The following CARD8 variants were observed in gnomAD, a reference collection of about 807,000 sequenced individuals.
CARD8 encodes caspase recruitment domain family member 8.
In CARD8, 38 loss-of-function variants were observed where a neutral mutation model predicts 53.2. The observed-to-expected ratio is 0.71, with a 90% CI of 0.55 to 0.94. The LOEUF (loss-of-function observed/expected upper bound fraction) is 0.94. Among genes scored for constraint, CARD8 ranks in the 40% least tolerant of loss-of-function variants. CARD8 has a pLI of 0.00. For synonymous variants in CARD8, 245 were observed against 244.9 expected (o/e 1.00, Z 0.00); for missense variants, 561 against 655.5 (o/e 0.86, Z 1.57).
Position 48,248,201 on chromosome 19 carries a change from A to T in CARD8, c.-44+1322T>A, listed in dbSNP as rs190330206. Among the ~76,000 whole-genome samples, 178 of 152,314 alleles carry T rather than the reference A, an allele frequency of 1.2e-3. 1 individual carries two copies. The highest frequency in any genetic ancestry group is 4.0e-3 in the African/African-American group (168 of 41,566). ...TGTGACATTGGAAATTTTAAAAAAC[A>T]TGTAATAAAAATCCCAGTCACGCAT... On this transcript the variant is annotated intron_variant, in intron 3 of 13. Coordinates refer to ENST00000651546, the MANE Select transcript of CARD8 (RefSeq NM_001184900.3).
chr19:48,204,987 T>C (rs1336844736), downstream of CARD8, among the ~76,000 whole-genome samples: 1 of 152,208 alleles, frequency 6.6e-6, no homozygotes, highest in Non-Finnish European at 1.5e-5. Flanking sequence ...CAAATTTAGC[T>C]GGGCATCCTG....
chr19:48,241,503 G>A (rs969363686), intron 3 of CARD8, among the ~76,000 whole-genome samples: 7 of 152,166 alleles, frequency 4.6e-5, no homozygotes, highest in Non-Finnish European at 7.4e-5. Flanking sequence ...TGATCGGCCC[G>A]TCTCGGCCTC....
At chr19:48,236,892 A>C (rs2043990588) in intron 5 of CARD8, among the ~76,000 whole-genome samples, 1 of 151,734 alleles carries the variant, frequency 6.6e-6, no homozygotes, top group South Asian at 2.1e-4. Flanking sequence ...ATCCTGCCTC[A>C]AGCCTCCTGA....
At chr19:48,252,188 G>C (rs2047011116) in intron 1 of CARD8, among the ~76,000 whole-genome samples, 1 of 152,106 alleles carries the variant, frequency 6.6e-6, no homozygotes, top group African/African-American at 2.4e-5. Context: ...TTCTTCTGCA[G>C]CTGGGAAGTC....
At chr19:48,208,064 A>C (rs2037485973), downstream of CARD8, 1 of 152,152 alleles carries the variant, frequency 6.6e-6, no homozygotes, top group South Asian at 2.1e-4. Context: ...ATCCTCAAAT[A>C]AATCAATTTA....
intron 13 of CARD8, among the ~76,000 whole-genome samples, chr19:48,213,873 G>GT (rs1234386483): frequency 6.6e-6 from 1 of 152,034 alleles, no homozygotes; most frequent in Non-Finnish European, 1.5e-5. Context: ...TCCTTTAATA[G>GT]TTACTCTTGC....
intron 8 of CARD8, 24 bp from the exon 9 acceptor site, chr19:48,231,030 A>C: frequency 7.6e-6 from 12 of 1,578,876 alleles, no homozygotes; most frequent in Non-Finnish European, 9.6e-6. Flanking sequence ...GAGTGATGTC[A>C]TGACGGGAGA....
chr19:48,234,407 G>A lies in CARD8; in HGVS notation c.346C>T (p.Pro116Ser). 6.2e-7 allele frequency: 1 copy of A among 1,608,970 alleles called. No individual in the cohort carries two copies. The highest frequency in any genetic ancestry group is 8.5e-7 in the Non-Finnish European group (1 of 1,178,164). Residue 116 changes from proline to serine, a missense_variant, in exon 6 of 14, where the codon CCC becomes TCC. Pro to Ser is a moderately conservative substitution (Grantham distance 74, BLOSUM62 -1). Coordinates refer to ENST00000651546, the MANE Select transcript of CARD8 (RefSeq NM_001184900.3). ...PECQLSGGDI[P>S]SVSEEQESSE... ...CAACGGAATAGCTTTTCTTACCTGG[G>A]AATGTCCCCCCCAGATAGTTGACAC...
Position 48,238,432 on chromosome 19 carries a change from T to C in CARD8, c.160A>G (p.Thr54Ala). The part of the protein sequence containing the change: ...VDNSIRELQY[T>A]KTGIFFQAEA... ...GCCTGAAAAAAAATTCCAGTTTTTG[T>C]GTATTGCAGTTCCCGTATGCTATTG... Residue 54 changes from threonine to alanine, a missense_variant, in exon 5 of 14, where the codon ACA (threonine) becomes GCA (alanine). Transcript: ENST00000651546. 1.3e-6 allele frequency: 2 copies of C among 1,536,210 alleles called. No homozygotes were observed. Among genetic ancestry groups the C allele is most frequent in the Non-Finnish European group, 1.7e-6 (2 of 1,146,926 alleles).
At chr19:48,246,771 GA>G (rs760968916) in intron 3 of CARD8, among the ~76,000 whole-genome samples, 59 of 152,254 alleles carry the variant, frequency 3.9e-4, no homozygotes, top group Non-Finnish European at 6.0e-4. Flanking sequence ...TTTTCTCCAT[GA>G]ATTTGGAAAT....
intron 3 of CARD8, among the ~76,000 whole-genome samples, chr19:48,245,166 T>C (rs565014726): frequency 6.6e-6 from 1 of 152,184 alleles, no homozygotes; most frequent in Admixed American, 6.6e-5. Flanking sequence ...ACGAATCACC[T>C]GAAATAAGCT....
intron 3 of CARD8, among the ~76,000 whole-genome samples, chr19:48,246,483 G>A (rs1254006547): frequency 6.6e-6 from 1 of 152,064 alleles, no homozygotes; most frequent in Non-Finnish European, 1.5e-5. Context: ...GGAAAGACCT[G>A]GGGAATCCAT....
Position 48,211,986 on chromosome 19 carries a change from G to C in CARD8, c.1349-11C>G, listed in dbSNP as rs1164498662. 3.1e-6 allele frequency: 5 copies of C among 1,611,152 alleles called. No individual in the cohort carries two copies. Among genetic ancestry groups the C allele is most frequent in the Middle Eastern group, 1.7e-4 (1 of 6,042 alleles). ...TCACAAAGGCTGCACCTGGATGAAA[G>C]GGGGAGTTTCAGACTTTGAGAATCG... On this transcript the variant is annotated splice_polypyrimidine_tract_variant and intron_variant, in intron 13 of 13. Coordinates refer to ENST00000651546, the MANE Select transcript of CARD8 (RefSeq NM_001184900.3).
rs758762341 is a variant in CARD8 at position 48,221,742 on chromosome 19, T to C, written c.1149A>G (p.Lys383=). 2.1e-5 allele frequency: 34 copies of C among 1,594,948 alleles called. No homozygotes were observed. The highest frequency in any genetic ancestry group is 2.7e-5 in the Non-Finnish European group (32 of 1,167,122). Residue 383 remains lysine, a synonymous_variant, in exon 11 of 14, where the codon AAA becomes AAG. Transcript: ENST00000651546. The part of the protein sequence containing the change: ...SYIVSNSANL[K]VMPKELKLSY... The stretch of plus-strand genomic sequence containing the variant: ...GAATTCTACTAACCTTGGGCATTAC[T>C]TTCAGGTTAGCAGAATTAGACACAA...
In CARD8 at chr19:48,242,265, C is replaced by A. The variant is rs115517275; in HGVS notation, c.-43-1202G>T. Among the ~76,000 whole-genome samples the A allele has an allele frequency of 3.4e-4, 51 of 151,906 alleles. No individual in the cohort carries two copies. In the South Asian group the frequency reaches 9.8e-3, roughly 29 times the overall value. ...CAGAGACCTCGCTCCCGCTTTCTAC[C>A]GTGGGAGGGCGCAGCAAGAAGTCAG... On this transcript the variant is annotated intron_variant, in intron 3 of 13. Coordinates refer to ENST00000651546, the MANE Select transcript of CARD8 (RefSeq NM_001184900.3).
chr19:48,206,337 A>C, downstream of CARD8: 3 of 420,976 alleles, frequency 7.1e-6, no homozygotes, highest in South Asian at 5.0e-5. Flanking sequence ...GGTGCATTAC[A>C]TTAATTATAA....
rs761405892 is a variant in CARD8, at chr19:48,230,868, C to G, written c.681G>C (p.Gln227His). ...HLALDLQHHE[Q>H]WLVGGPLFDV... ...CAAACAAGGGGCCGCCCACCAGCCACTGTTCATGGTGCTGCAGGTCCAGGG... is the reference window on the plus strand; with the variant it reads ...CAAACAAGGGGCCGCCCACCAGCCAGTGTTCATGGTGCTGCAGGTCCAGGG... The change falls in exon 9 of 14, where the codon CAG (glutamine) becomes CAC (histidine). Residue 227 changes from glutamine to histidine, a missense_variant. Physicochemically the swap from Gln to His is conservative, Grantham distance 24. Coordinates refer to ENST00000651546, the MANE Select transcript of CARD8 (RefSeq NM_001184900.3). 3 of 1,614,236 alleles carry G rather than the reference C, an allele frequency of 1.9e-6. No individual in the cohort carries two copies. In the East Asian group the frequency reaches 6.7e-5, roughly 36 times the overall value.
At chr19:48,242,002 G>A (rs1047186175) in intron 3 of CARD8, among the ~76,000 whole-genome samples, 4 of 151,998 alleles carry the variant, frequency 2.6e-5, no homozygotes, top group South Asian at 2.1e-4. Context: ...CCACAGGCAC[G>A]CACACCCAGC....
At chr19:48,232,875 A>C in intron 6 of CARD8, 1 of 438,726 alleles carries the variant, frequency 2.3e-6, no homozygotes, top group East Asian at 6.8e-5. Flanking sequence ...CTTGAGCCAA[A>C]TGTGTCTTGA....
Sources: allele counts gnomAD v4.1 joint callset (sites outside exome capture counted in the v4.1 genomes callset), GRCh38; gene constraint gnomAD v4.1.1; transcripts MANE v1.5; gene names NCBI Gene and HGNC (gene_info 2026-07-23, HGNC 2026-07-21).